Variants in MFAP3 observed in about 807,000 individuals in gnomAD.
MFAP3 encodes the protein microfibril associated protein 3, also known as microfibril-associated glycoprotein 3.
In MFAP3, 8 loss-of-function variants were observed where a neutral mutation model predicts 20.5. That is an observed-to-expected ratio of 0.39 (90% CI 0.23 to 0.70). The LOEUF (loss-of-function observed/expected upper bound fraction) is 0.70. Among genes scored for constraint, MFAP3 ranks in the 30% least tolerant of loss-of-function variants. The probability of loss-of-function intolerance (pLI) is 0.44; values close to 1 mark genes in which losing one functional copy is unlikely to be tolerated. For synonymous variants in MFAP3, 140 were observed against 154.0 expected, an observed-to-expected ratio of 0.91 and a Z score of 0.67; for missense variants, 398 against 444.6, an observed-to-expected ratio of 0.90 and a Z score of 0.94.
intron 1 of MFAP3, among the ~76,000 whole-genome samples, chr5:154,044,028 T>C (rs1223684444): frequency 6.6e-6 from 1 of 152,242 alleles, no homozygotes. Flanking sequence ...GCATTCACAA[T>C]ATAATTACAT....
intron 1 of MFAP3, among the ~76,000 whole-genome samples, chr5:154,049,147 A>G (rs1000916558): frequency 2.0e-5 from 3 of 152,244 alleles, no homozygotes; most frequent in African/African-American, 7.2e-5. Context: ...GCAGGTTGAA[A>G]TAAAAGATCA....
intron 1 of MFAP3, among the ~76,000 whole-genome samples, chr5:154,049,344 G>A (rs6580051): frequency 0.85 from 129,702 of 152,172 alleles, 55,553 homozygotes; most frequent in East Asian, 1. Flanking sequence ...GCTAGTTAGT[G>A]GCAAAGCTAG....
At chr5:154,039,042 AG>A (rs1301054666) in intron 1 of MFAP3, 31 bp downstream of exon 1, 1 of 152,256 alleles carries the variant, frequency 6.6e-6, no homozygotes, top group Non-Finnish European at 1.5e-5. Context: ...GGTCGCTGCG[AG>A]GGGACTACTA....
chr5:154,040,960 A>G (rs1433260769), intron 1 of MFAP3, among the ~76,000 whole-genome samples: 1 of 152,152 alleles, frequency 6.6e-6, no homozygotes, highest in East Asian at 1.9e-4. Context: ...GAGTGTCTGA[A>G]CTCAAAATTT....
intron 2 of MFAP3, 101 bp downstream of exon 2, chr5:154,050,118 G>C: frequency 7.6e-7 from 1 of 1,318,760 alleles, no homozygotes; most frequent in East Asian, 2.4e-5. Context: ...AAGGTGCCAA[G>C]GTGAATAGTT....
intron 2 of MFAP3, 36 bp downstream of exon 2, chr5:154,050,053 A>G (rs755084060): frequency 4.5e-6 from 7 of 1,545,776 alleles, no homozygotes; most frequent in South Asian, 1.3e-5. Flanking sequence ...AAGGTTACTC[A>G]TTTCCTGTTC....
At chr5:154,050,057 C>T (rs1467079561) in intron 2 of MFAP3, 40 bp downstream of exon 2, 2 of 1,537,904 alleles carry the variant, frequency 1.3e-6, no homozygotes, top group Non-Finnish European at 8.8e-7. Context: ...TTACTCATTT[C>T]CTGTTCTGTC....
Position 154,053,081 on chromosome 5 carries a change from A to G in MFAP3, c.457A>G (p.Ile153Val). Reference protein sequence around the residue: ...TSGDMSVYYMIVCLIAFTITL... With the variant: ...TSGDMSVYYMVVCLIAFTITL... The stretch of plus-strand genomic sequence containing the variant: ...GGGAGACATGAGTGTCTATTACATG[A>G]TTGTTTGCCTGATTGCCTTTACAAT... Residue 153 changes from isoleucine to valine, a missense_variant, in exon 3 of 3, where the codon ATT (isoleucine) becomes GTT (valine). Ile to Val is a conservative substitution (Grantham distance 29, BLOSUM62 3). Transcript: ENST00000522782. 3 of 1,613,728 alleles carry G rather than the reference A, an allele frequency of 1.9e-6. No individual in the cohort carries two copies. Among genetic ancestry groups the G allele is most frequent in the Non-Finnish European group, 2.5e-6 (3 of 1,179,854 alleles).
chr5:154,043,727 AAT>A (rs367632606), intron 1 of MFAP3, among the ~76,000 whole-genome samples: 5 of 114,734 alleles, frequency 4.4e-5, no homozygotes, highest in Admixed American at 9.9e-5. Context: ...CAGCAGGCAT[AAT>A]ATATATATAT....
chr5:154,044,937 T>A (rs200254402), intron 1 of MFAP3, among the ~76,000 whole-genome samples: 1,925 of 145,806 alleles, frequency 0.013, 45 homozygotes, highest in South Asian at 0.051. Flanking sequence ...TTTCTTTTTT[T>A]AAAAAAAAAA....
At chr5:154,050,315 T>A (rs1302626467) in intron 2 of MFAP3, among the ~76,000 whole-genome samples, 2 of 152,182 alleles carry the variant, frequency 1.3e-5, no homozygotes, top group Non-Finnish European at 2.9e-5. Context: ...AAATCAGGGC[T>A]GCTGCATACA....
At position 154,055,537 on chromosome 5, in the gene MFAP3, GT is replaced by G. The variant is rs2113571635; in HGVS notation, c.*1829del. Among the ~76,000 whole-genome samples, 1 of 152,250 alleles carries G rather than the reference GT, an allele frequency of 6.6e-6. No individual in the cohort carries two copies. Among genetic ancestry groups the G allele is most frequent in the Non-Finnish European group, 1.5e-5 (1 of 68,016 alleles). On this transcript the variant is annotated 3_prime_UTR_variant, in exon 3 of 3. Coordinates refer to ENST00000522782, the MANE Select transcript of MFAP3 (RefSeq NM_005927.5). ...GACTGGTATTTCTTTAAGGAAAATT[GT>G]TTTTATATATTTGACTATAAGAGCA...
chr5:154,053,798 C>A lies in MFAP3; in HGVS notation c.*85C>A. ...TTCTTAGAAGAAGTAACATTTTTGCCAAAAGATGACTGGGGTTTTCCGTTT... is the reference window on the plus strand; with the variant it reads ...TTCTTAGAAGAAGTAACATTTTTGCAAAAAGATGACTGGGGTTTTCCGTTT... On this transcript the variant is annotated 3_prime_UTR_variant, in exon 3 of 3. Transcript: ENST00000522782. 7.8e-7 allele frequency: 1 copy of A among 1,274,660 alleles called. No homozygotes were observed. Among genetic ancestry groups the A allele is most frequent in the Non-Finnish European group, 1.1e-6 (1 of 916,572 alleles). 79.0% of individuals were successfully genotyped at this position (1,274,660 alleles called of 1,614,324 possible).
intron 2 of MFAP3, among the ~76,000 whole-genome samples, chr5:154,050,610 C>CTTTTTTTTTTTTTTT (rs11167656): frequency 3.2e-5 from 3 of 93,284 alleles, no homozygotes; most frequent in Admixed American, 1.2e-4. Context: ...CCTTCCAGCT[C>CTTTTTTTTTTTTTTT]TTTTTTTTTT....
At chr5:154,050,223 A>G (rs188734515) in intron 2 of MFAP3, among the ~76,000 whole-genome samples, 35 of 152,328 alleles carry the variant, frequency 2.3e-4, no homozygotes, top group African/African-American at 8.2e-4. Flanking sequence ...GAATCATTCT[A>G]AATTTAAAAG....
At chr5:154,040,973 A>G (rs1268909845) in intron 1 of MFAP3, among the ~76,000 whole-genome samples, 3 of 152,186 alleles carry the variant, frequency 2.0e-5, no homozygotes, top group Non-Finnish European at 4.4e-5. Flanking sequence ...CAAAATTTTG[A>G]GCACTTGCCA....
chr5:154,052,190 G>A (rs899731378), intron 2 of MFAP3, among the ~76,000 whole-genome samples: 5 of 151,934 alleles, frequency 3.3e-5, no homozygotes, highest in South Asian at 4.2e-4. Flanking sequence ...GGAAGCATAG[G>A]CATCTTAAGG....
At chr5:154,050,758 C>G (rs951472942) in intron 2 of MFAP3, among the ~76,000 whole-genome samples, 2 of 151,552 alleles carry the variant, frequency 1.3e-5, no homozygotes, top group Non-Finnish European at 2.9e-5. Context: ...TTTAATTTTC[C>G]TATTCATGGA....
rs149406524 is a variant in MFAP3 at position 154,049,789 on chromosome 5, G to A, written c.67G>A (p.Glu23Lys). The change falls in exon 2 of 3, where the codon GAA becomes AAA. Residue 23 changes from glutamate (E) to lysine (K), a missense_variant. Coordinates refer to ENST00000522782, the MANE Select transcript of MFAP3 (RefSeq NM_005927.5). ...SIIVPAAFVL[E>K]DVDFDQMVSL... ...TATTGTGCCAGCTGCTTTTGTTTTG[G>A]AAGATGTGGACTTCGACCAAATGGT... is the stretch of plus-strand genomic sequence containing the variant. 4 of 1,613,494 alleles carry A rather than the reference G, an allele frequency of 2.5e-6. No individual in the cohort carries two copies. The African/African-American group carries it at 5.3e-5, about 22-fold the overall frequency.
Sources: allele counts gnomAD v4.1 joint callset (sites outside exome capture counted in the v4.1 genomes callset), GRCh38; gene constraint gnomAD v4.1.1; transcripts MANE v1.5; gene names NCBI Gene and HGNC (gene_info 2026-07-23, HGNC 2026-07-21).